Variants in RALB observed in about 807,000 individuals in gnomAD.
The protein encoded by RALB is ras-related protein Ral-B.
A neutral mutation model predicts 21.3 loss-of-function variants in RALB; 16 were observed. That is an observed-to-expected ratio of 0.75 (90% CI 0.51 to 1.14). The LOEUF (loss-of-function observed/expected upper bound fraction) is 1.14, where lower values mean the gene tolerates loss of function less well. RALB is among the 50% of genes most tolerant of loss of function. The pLI is 0.00. For synonymous variants in RALB, 93 were observed against 96.1 expected (o/e 0.97, Z 0.19); for missense variants, 161 against 256.2 (o/e 0.63, Z 2.54).
At chr2:120,251,224 A>G (rs1689048951), upstream of RALB, among the ~76,000 whole-genome samples, 1 of 152,200 alleles carries the variant, frequency 6.6e-6, no homozygotes, top group Admixed American at 6.5e-5. Context: ...TGCATTTGAC[A>G]AAGGGTACCA....
At position 120,294,330 on chromosome 2, in the gene RALB, G is replaced by A. The variant is rs1421670687; in HGVS notation, c.*1070G>A. 5 of 398,712 alleles carry A rather than the reference G, an allele frequency of 1.3e-5. No homozygotes were observed. The highest frequency in any genetic ancestry group is 7.1e-5 in the East Asian group (2 of 28,090). The allele number at this position is 398,712 out of a possible 1,614,324, so 24.7% of individuals were successfully genotyped here. A position where few individuals can be genotyped will look rare whatever the true frequency, so the allele number is the denominator to read the frequency against. Reference sequence around the variant, plus strand: ...TAGAAGTAGAGAGAGATAAGCCATCGCCCCTTTGCCTCTGAGAATTGGCTG... The same window carrying A: ...TAGAAGTAGAGAGAGATAAGCCATCACCCCTTTGCCTCTGAGAATTGGCTG... On this transcript the variant is annotated 3_prime_UTR_variant, in exon 5 of 5. Coordinates refer to ENST00000272519, the MANE Select transcript of RALB (RefSeq NM_002881.3).
chr2:120,264,467 T>C (rs1175798992), intron 1 of RALB, among the ~76,000 whole-genome samples: 1 of 152,204 alleles, frequency 6.6e-6, no homozygotes, highest in Admixed American at 6.5e-5. Context: ...CTGTATTTTG[T>C]AGATCAGACT....
intron 4 of RALB, among the ~76,000 whole-genome samples, chr2:120,290,455 G>A (rs1490518419): frequency 6.6e-6 from 1 of 152,184 alleles, no homozygotes; most frequent in African/African-American, 2.4e-5. Context: ...GCTTCTAGGA[G>A]GTTCCCCTGG....
At chr2:120,263,781 C>T (rs1325820556) in intron 1 of RALB, among the ~76,000 whole-genome samples, 1 of 152,142 alleles carries the variant, frequency 6.6e-6, no homozygotes, top group African/African-American at 2.4e-5. Context: ...CCGCCCGCCT[C>T]AGCCTCCTAA....
intron 2 of RALB, among the ~76,000 whole-genome samples, chr2:120,281,736 T>G (rs1372829045): frequency 6.6e-6 from 1 of 152,136 alleles, no homozygotes; most frequent in Non-Finnish European, 1.5e-5. Context: ...GCTTTGTAGG[T>G]CTTTTGTTTG....
At chr2:120,241,528 C>T (rs1487069041) in intron 1 of RALB, among the ~76,000 whole-genome samples, 1 of 152,144 alleles carries the variant, frequency 6.6e-6, no homozygotes. Context: ...GAGTTCGAGA[C>T]CAGCCTGGCC....
At chr2:120,268,989 G>C (rs1042986738) in intron 1 of RALB, among the ~76,000 whole-genome samples, 1 of 152,136 alleles carries the variant, frequency 6.6e-6, no homozygotes, top group African/African-American at 2.4e-5. Flanking sequence ...GTTTCTGATA[G>C]AATTTGGATC....
intron 4 of RALB, among the ~76,000 whole-genome samples, chr2:120,292,518 T>C (rs944087125): frequency 6.6e-6 from 1 of 152,222 alleles, no homozygotes; most frequent in African/African-American, 2.4e-5. Context: ...CATTCTTCCC[T>C]TCCCTGGTGG....
chr2:120,257,819 T>A (rs1017628302), intron 1 of RALB, among the ~76,000 whole-genome samples: 2 of 152,264 alleles, frequency 1.3e-5, no homozygotes, highest in Non-Finnish European at 2.9e-5. Context: ...GAAGGATTGG[T>A]GGCCAGTCCT....
At chr2:120,259,738 C>T (rs372487737) in intron 1 of RALB, among the ~76,000 whole-genome samples, 50 of 152,370 alleles carry the variant, frequency 3.3e-4, no homozygotes, top group Middle Eastern at 3.4e-3. Flanking sequence ...GCCAGTCCTG[C>T]GCCATGCACT....
chr2:120,263,278 C>G (rs1166199753), intron 1 of RALB, among the ~76,000 whole-genome samples: 1 of 151,970 alleles, frequency 6.6e-6, no homozygotes, highest in Non-Finnish European at 1.5e-5. Context: ...CAGTGGTCCT[C>G]CCACCTCAGC....
chr2:120,252,630 G>C (rs1177903875), upstream of RALB: 1 of 231,682 alleles, frequency 4.3e-6, no homozygotes, highest in African/African-American at 2.3e-5. Context: ...GAAACAGAGG[G>C]GGACGGGGCA....
upstream of RALB, chr2:120,252,843 G>C: frequency 2.0e-6 from 2 of 985,648 alleles, no homozygotes; most frequent in Non-Finnish European, 2.4e-6. Flanking sequence ...AGGCGCGCTC[G>C]GGGGGTGGGA....
intron 2 of RALB, 113 bp from the exon 3 acceptor site, chr2:120,285,761 C>G (rs1196979322): frequency 2.4e-6 from 2 of 816,688 alleles, no homozygotes; most frequent in Non-Finnish European, 4.0e-6. Context: ...TAAAATGTTG[C>G]TTCTGTAGTG....
chr2:120,240,692 T>C (rs1688879827), intron 1 of RALB, among the ~76,000 whole-genome samples: 1 of 152,294 alleles, frequency 6.6e-6, no homozygotes, highest in African/African-American at 2.4e-5. Context: ...ACAGGCCTGC[T>C]ATCCCCAGTC....
chr2:120,285,954 T>C lies in RALB; in HGVS notation c.195T>C (p.Asp65=), dbSNP rs1437884420. The C allele has an allele frequency of 6.2e-7, 1 of 1,614,000 alleles. No individual in the cohort carries two copies. The change falls in exon 3 of 5, where the codon GAT becomes GAC. Residue 65 remains aspartate (D), a synonymous_variant. Coordinates refer to ENST00000272519, the MANE Select transcript of RALB (RefSeq NM_002881.3). ...VVLDGEEVQI[D]ILDTAGQEDY... Reference sequence around the variant, plus strand: ...TTGATGGGGAAGAAGTTCAGATAGATATTCTGGACACCGCTGGGCAAGAGG... The same window carrying C: ...TTGATGGGGAAGAAGTTCAGATAGACATTCTGGACACCGCTGGGCAAGAGG...
intron 1 of RALB, among the ~76,000 whole-genome samples, chr2:120,268,787 G>A (rs146570971): frequency 6.6e-6 from 1 of 152,252 alleles, no homozygotes; most frequent in Non-Finnish European, 1.5e-5. Flanking sequence ...GGAAGAAGAG[G>A]CCGAGGCAAG....
intron 1 of RALB, among the ~76,000 whole-genome samples, chr2:120,241,152 C>G (rs1230575282): frequency 6.6e-6 from 1 of 152,178 alleles, no homozygotes; most frequent in Non-Finnish European, 1.5e-5. Context: ...TGTCTGGGCC[C>G]CTGCCTCCCA....
intron 1 of RALB, among the ~76,000 whole-genome samples, chr2:120,245,768 C>G (rs1361738332): frequency 6.6e-6 from 1 of 152,192 alleles, no homozygotes; most frequent in Non-Finnish European, 1.5e-5. Context: ...GCCTCTGGAG[C>G]TTTCCCAGTG....
Sources: gnomAD v4.1 joint callset for allele counts (sites outside exome capture counted in the v4.1 genomes callset) on GRCh38, gnomAD v4.1.1 for gene constraint, MANE v1.5 for transcripts, NCBI Gene and HGNC (gene_info 2026-07-23, HGNC 2026-07-21) for gene names.